The following MAP3K2 variants were observed in gnomAD, a reference collection of about 807,000 sequenced individuals.
MAP3K2 encodes MAP/ERK kinase kinase 2.
In MAP3K2, 24 loss-of-function variants were observed where a neutral mutation model predicts 80.3. The observed-to-expected ratio is 0.30, with a 90% CI of 0.22 to 0.42. The LOEUF is 0.42. Among genes scored for constraint, MAP3K2 ranks in the 10% least tolerant of loss-of-function variants. The pLI is 1.00. For missense variants in MAP3K2, 608 were observed against 750.1 expected (o/e 0.81, Z 2.21); for synonymous variants, 244 against 253.7 (o/e 0.96, Z 0.36).
At chr2:127,377,719 C>T (rs1473581663) in intron 1 of MAP3K2, among the ~76,000 whole-genome samples, 10 of 152,192 alleles carry the variant, frequency 6.6e-5, no homozygotes, top group Middle Eastern at 3.4e-3. Context: ...TCCTAAGATA[C>T]GGTTTGAAAT....
At chr2:127,342,388 G>GGGGTGTGTGTGTGTGTGTGTGTGTGTGT (rs143219830) in intron 2 of MAP3K2, among the ~76,000 whole-genome samples, 17 of 147,864 alleles carry the variant, frequency 1.1e-4, no homozygotes, top group African/African-American at 4.3e-4. Flanking sequence ...TCTTCATGAG[G>GGGGTGTGTGTGTGTGTGTGTGTGTGTGT]GTGTGTGTGT....
rs1685546977 is a variant in MAP3K2 at position 127,299,364 on chromosome 2, C to G, written c.*8215G>C. 1 of 152,116 alleles carries G rather than the reference C, an allele frequency of 6.6e-6. No homozygotes were observed. The allele number at this position is 152,116 out of a possible 1,614,324, so 9.4% of individuals were successfully genotyped here. A position where few individuals can be genotyped will look rare whatever the true frequency, so the allele number is the denominator to read the frequency against. On this transcript the variant is annotated 3_prime_UTR_variant, in exon 17 of 17. Transcript: ENST00000682094. The stretch of plus-strand genomic sequence containing the variant: ...TTCAAAACCAATTTATAGTCAATTA[C>G]AAAGAATCACAATATGCCAATATAT...
intron 1 of MAP3K2, among the ~76,000 whole-genome samples, chr2:127,353,970 T>C (rs549559268): frequency 4.6e-5 from 7 of 151,870 alleles, no homozygotes; most frequent in Admixed American, 2.6e-4. Flanking sequence ...CTGAAACATG[T>C]GCTGTGTCCA....
At chr2:127,352,058 G>A (rs1450728797) in intron 1 of MAP3K2, among the ~76,000 whole-genome samples, 2 of 151,882 alleles carry the variant, frequency 1.3e-5, no homozygotes, top group Non-Finnish European at 2.9e-5. Flanking sequence ...TGTATTTTCG[G>A]TAGAGACACG....
intron 1 of MAP3K2, among the ~76,000 whole-genome samples, chr2:127,378,981 G>GTTTTTTTTTTTTT (rs58961718): frequency 1.1e-5 from 1 of 88,050 alleles, no homozygotes; most frequent in Admixed American, 1.5e-4. Context: ...GTTTTTTGTT[G>GTTTTTTTTTTTTT]TTTTTTTTTT....
At chr2:127,317,797 G>C (rs1685936167) in intron 13 of MAP3K2, 37 bp from the exon 14 acceptor site, 5 of 1,564,194 alleles carry the variant, frequency 3.2e-6, no homozygotes, top group Non-Finnish European at 2.6e-6. Context: ...CTTCAACAAT[G>C]TCAGTAAAAG....
At chr2:127,337,641 A>G in intron 4 of MAP3K2, 97 bp downstream of exon 4, 1 of 725,252 alleles carries the variant, frequency 1.4e-6, no homozygotes, top group Non-Finnish European at 2.3e-6. Context: ...GTAAACCATG[A>G]AACTTCATTC....
At chr2:127,338,412 G>T (rs754670083) in intron 3 of MAP3K2, among the ~76,000 whole-genome samples, 31 of 152,212 alleles carry the variant, frequency 2.0e-4, no homozygotes, top group Non-Finnish European at 3.7e-4. Context: ...GGAGTTGCTT[G>T]TAGATTATTT....
chr2:127,345,550 T>G (rs1419137848), intron 1 of MAP3K2, among the ~76,000 whole-genome samples: 1 of 152,120 alleles, frequency 6.6e-6, no homozygotes, highest in Non-Finnish European at 1.5e-5. Context: ...TACAGAATAA[T>G]CAACCTCAAA....
chr2:127,327,095 T>C (rs1462710439), intron 7 of MAP3K2, among the ~76,000 whole-genome samples: 2 of 152,178 alleles, frequency 1.3e-5, no homozygotes, highest in African/African-American at 4.8e-5. Context: ...TAATACAATA[T>C]AGATTTCTGG....
rs1030631305 is a variant in MAP3K2, at chr2:127,322,842, G to A, written c.839-590C>T. Among the ~76,000 whole-genome samples, 15 of 151,530 alleles carry A rather than the reference G, an allele frequency of 9.9e-5. No individual in the cohort carries two copies. Among genetic ancestry groups the A allele is most frequent in the Admixed American group, 2.0e-4 (3 of 15,236 alleles). ...ACTCCTGACCTCAGGTGATCCACCC[G>A]CCTCGGCCTCCCAAAGTGCTGGGAT... On this transcript the variant is annotated intron_variant, in intron 11 of 16. Coordinates refer to ENST00000682094, the MANE Select transcript of MAP3K2 (RefSeq NM_001371910.2). This position sits in a 1 kb window ranked among gnomAD's most constrained non-coding sequence, Gnocchi z 4.2.
chr2:127,387,824 C>A lies in MAP3K2; in HGVS notation c.-438G>T. On this transcript the variant is annotated 5_prime_UTR_variant, in exon 1 of 17. Transcript: ENST00000682094. The stretch of plus-strand genomic sequence containing the variant: ...AGAAGAGGCGGGAGTGGCGACTCTG[C>A]GGACAGGGGCGCCGAGCGTCCTGGT... 1 of 984,992 alleles carries A rather than the reference C, an allele frequency of 1.0e-6. No homozygotes were observed. Among genetic ancestry groups the A allele is most frequent in the East Asian group, 1.1e-4 (1 of 8,764 alleles). The allele number at this position is 984,992 out of a possible 1,614,324, so 61.0% of individuals were successfully genotyped here.
At chr2:127,311,457 G>T (rs72845966) in intron 15 of MAP3K2, among the ~76,000 whole-genome samples, 10,485 of 152,194 alleles carry the variant, frequency 0.069, 503 homozygotes, top group African/African-American at 0.13. Flanking sequence ...CAAGAAGGGC[G>T]GAGGAGAAAA....
chr2:127,378,713 G>C (rs918773911), intron 1 of MAP3K2, among the ~76,000 whole-genome samples: 2 of 152,108 alleles, frequency 1.3e-5, no homozygotes, highest in African/African-American at 4.8e-5. Context: ...TCTCTAGATG[G>C]ATCATATACT....
chr2:127,326,848 T>C (rs768368829), intron 7 of MAP3K2, 31 bp from the exon 8 acceptor site: 1 of 1,465,900 alleles, frequency 6.8e-7, no homozygotes, highest in Non-Finnish European at 9.2e-7. Context: ...TAATTTATAA[T>C]TATAGGCAAG....
At chr2:127,379,436 G>A (rs9789510) in intron 1 of MAP3K2, among the ~76,000 whole-genome samples, 54,005 of 151,990 alleles carry the variant, frequency 0.36, 10,313 homozygotes, top group East Asian at 0.62. Flanking sequence ...TTAGAGAGTG[G>A]AGCTCAGACT....
At chr2:127,329,337 T>C (rs1686204872) in intron 7 of MAP3K2, among the ~76,000 whole-genome samples, 1 of 151,348 alleles carries the variant, frequency 6.6e-6, no homozygotes, top group Non-Finnish European at 1.5e-5. Context: ...TTTAATTTTT[T>C]TCCTCCATTC....
At chr2:127,356,408 A>AATGG (rs1686799387) in intron 1 of MAP3K2, among the ~76,000 whole-genome samples, 1 of 152,234 alleles carries the variant, frequency 6.6e-6, no homozygotes, top group Admixed American at 6.5e-5. Context: ...CTAAGTGTGC[A>AATGG]ATGGCATTAT....
chr2:127,349,795 G>C (rs1686661351), intron 1 of MAP3K2, among the ~76,000 whole-genome samples: 1 of 152,110 alleles, frequency 6.6e-6, no homozygotes, highest in South Asian at 2.1e-4. Context: ...CATAGAGAAA[G>C]TCACAAAGTG....
Sources: allele counts gnomAD v4.1 joint callset (sites outside exome capture counted in the v4.1 genomes callset), GRCh38; gene constraint gnomAD v4.1.1; non-coding constraint Gnocchi (gnomAD v3.1); transcripts MANE v1.5; gene names NCBI Gene and HGNC (gene_info 2026-07-23, HGNC 2026-07-21).